IDO2: variants seen among roughly 807,000 people sequenced by gnomAD.
IDO2 encodes indoleamine 2,3-dioxygenase-like 1 protein.
A neutral mutation model predicts 45.1 loss-of-function variants in IDO2; 46 were observed. That is an observed-to-expected ratio of 1.02 (90% CI 0.80 to 1.30). The LOEUF is 1.30. Ranked by LOEUF, IDO2 falls within the 50% of genes most tolerant of loss-of-function variation. The pLI is 0.00. For synonymous variants in IDO2, 218 were observed against 184.9 expected, an observed-to-expected ratio of 1.18 and a Z score of -1.45; for missense variants, 544 against 491.8, an observed-to-expected ratio of 1.11 and a Z score of -1.00.
At chr8:39,972,153 G>A (rs78566847) in intron 3 of IDO2, among the ~76,000 whole-genome samples, 16,893 of 152,226 alleles carry the variant, frequency 0.11, 1,463 homozygotes, top group East Asian at 0.41. Flanking sequence ...ATGGAGCAAA[G>A]AAAGTAGTTG....
At chr8:39,943,203 A>G (rs1457048731) in intron 1 of IDO2, among the ~76,000 whole-genome samples, 1 of 151,892 alleles carries the variant, frequency 6.6e-6, no homozygotes, top group Non-Finnish European at 1.5e-5. Flanking sequence ...CCCCGTCTTT[A>G]AGAAAAATGC....
chr8:39,974,246 G>C (rs1310511381), intron 3 of IDO2, among the ~76,000 whole-genome samples: 1 of 152,098 alleles, frequency 6.6e-6, no homozygotes, highest in African/African-American at 2.4e-5. Flanking sequence ...AGACCCATGT[G>C]TGTATGGAAT....
At chr8:39,987,629 A>G in intron 6 of IDO2, 1 of 455,622 alleles carries the variant, frequency 2.2e-6, no homozygotes. Flanking sequence ...CAGGACCATT[A>G]GGGCCATGCT....
At chr8:39,999,236 G>A (rs1430472797) in intron 8 of IDO2, among the ~76,000 whole-genome samples, 1 of 149,258 alleles carries the variant, frequency 6.7e-6, no homozygotes, top group Non-Finnish European at 1.5e-5. Flanking sequence ...TACTTTTTGG[G>A]TTGCTCAATT....
At chr8:39,936,551 G>T (rs1807554617) in intron 1 of IDO2, among the ~76,000 whole-genome samples, 1 of 152,144 alleles carries the variant, frequency 6.6e-6, no homozygotes, top group Non-Finnish European at 1.5e-5. Context: ...TGAGCTGGTG[G>T]ATCCTCACAC....
rs755029260 is a variant in IDO2 at position 39,963,689 on chromosome 8, G to C, written c.181G>C (p.Ala61Pro). ...ATTGATTGATGCTCACCAGCTTCAAGCTCATGTGGACAAGGTATTCTTCTC... is the reference window on the plus strand; with the variant it reads ...ATTGATTGATGCTCACCAGCTTCAACCTCATGTGGACAAGGTATTCTTCTC... Residue 61 changes from alanine to proline, a missense_variant, in exon 3 of 11, where the codon GCT (alanine) becomes CCT (proline). Ala to Pro is a conservative substitution (Grantham distance 27, BLOSUM62 -1). Transcript: ENST00000502986. 3.7e-6 allele frequency: 6 copies of C among 1,604,704 alleles called. No individual in the cohort carries two copies. The Admixed American group carries it at 1.0e-4, about 27-fold the overall frequency.
chr8:39,990,157 G>T lies in IDO2; in HGVS notation c.667+319G>T, dbSNP rs370066619. On this transcript the variant is annotated intron_variant, in intron 8 of 10. Coordinates refer to ENST00000502986, the Ensembl canonical transcript of IDO2. Reference sequence around the variant, plus strand: ...GGGGATGGGATGCACAGTAATGTTGGTCGCGCGTGCCCCATCCTGCAGTGT... The same window carrying T: ...GGGGATGGGATGCACAGTAATGTTGTTCGCGCGTGCCCCATCCTGCAGTGT... Among the ~76,000 whole-genome samples, 209 of 152,256 alleles carry T rather than the reference G, an allele frequency of 1.4e-3. 1 individual carries two copies. Among genetic ancestry groups the T allele is most frequent in the African/African-American group, 4.7e-3 (197 of 41,548 alleles).
chr8:40,002,794 T>TAAATA (rs1298239281), intron 8 of IDO2, among the ~76,000 whole-genome samples: 1 of 151,660 alleles, frequency 6.6e-6, no homozygotes, highest in Non-Finnish European at 1.5e-5. Flanking sequence ...AATAAATAAA[T>TAAATA]AAATAAAATA....
At chr8:40,009,133 G>C (rs1245772654) in intron 9 of IDO2, among the ~76,000 whole-genome samples, 1 of 152,142 alleles carries the variant, frequency 6.6e-6, no homozygotes, top group African/African-American at 2.4e-5. Context: ...TCCTGCCTCA[G>C]CCTCCCAAGT....
At chr8:39,964,052 A>C (rs1808043213) in intron 3 of IDO2, among the ~76,000 whole-genome samples, 1 of 152,186 alleles carries the variant, frequency 6.6e-6, no homozygotes, top group South Asian at 2.1e-4. Flanking sequence ...CATTCCATGT[A>C]CGTACTCAAG....
intron 3 of IDO2, among the ~76,000 whole-genome samples, chr8:39,971,380 C>G (rs1389902241): frequency 2.6e-5 from 4 of 152,154 alleles, no homozygotes; most frequent in African/African-American, 9.7e-5. Context: ...CTCTGGTCAC[C>G]CAAGAGCTCT....
At chr8:39,961,153 G>A (rs1036106475) in intron 2 of IDO2, among the ~76,000 whole-genome samples, 2 of 152,062 alleles carry the variant, frequency 1.3e-5, no homozygotes, top group Non-Finnish European at 2.9e-5. Context: ...TTTTTGATCT[G>A]TATTGCTGGA....
intron 1 of IDO2, among the ~76,000 whole-genome samples, chr8:39,944,932 G>A (rs1278628592): frequency 6.6e-6 from 1 of 152,172 alleles, no homozygotes; most frequent in Non-Finnish European, 1.5e-5. Flanking sequence ...GCATCTATTA[G>A]CTATGTGGCC....
intron 4 of IDO2, among the ~76,000 whole-genome samples, chr8:39,980,360 G>A (rs1395535553): frequency 6.6e-6 from 1 of 152,062 alleles, no homozygotes; most frequent in South Asian, 2.1e-4. Flanking sequence ...TTCCCCAGGG[G>A]ACACATTGAC....
intron 3 of IDO2, among the ~76,000 whole-genome samples, chr8:39,970,089 T>G (rs1808156909): frequency 6.6e-6 from 1 of 152,132 alleles, no homozygotes; most frequent in Non-Finnish European, 1.5e-5. Flanking sequence ...ATAGAGGAAG[T>G]TTGAGTATTT....
At chr8:39,975,939 C>T (rs1808253371) in intron 3 of IDO2, among the ~76,000 whole-genome samples, 2 of 152,114 alleles carry the variant, frequency 1.3e-5, no homozygotes, top group African/African-American at 4.8e-5. Flanking sequence ...ATCCTGTATT[C>T]AGTATAATTC....
chr8:39,936,517 AG>A (rs1178667400), intron 1 of IDO2, among the ~76,000 whole-genome samples: 1 of 152,256 alleles, frequency 6.6e-6, no homozygotes, highest in Non-Finnish European at 1.5e-5. Context: ...ACTTAAGAAC[AG>A]AAGCCATATA....
chr8:39,936,061 T>C lies in IDO2; in HGVS notation c.-18+843T>C, dbSNP rs144963239. Among the ~76,000 whole-genome samples, 13 of 152,290 alleles carry C rather than the reference T, an allele frequency of 8.5e-5. No individual in the cohort carries two copies. The East Asian group carries it at 2.5e-3, about 29-fold the overall frequency. On this transcript the variant is annotated intron_variant, in intron 1 of 10. Transcript: ENST00000502986. ...AATGTATTATCCAAATGATGGAAGTTTTCTCTTGCTGATAGAATGCATCCA... is the reference window on the plus strand; with the variant it reads ...AATGTATTATCCAAATGATGGAAGTCTTCTCTTGCTGATAGAATGCATCCA...
intron 2 of IDO2, among the ~76,000 whole-genome samples, chr8:39,956,215 T>C (rs1210529847): frequency 6.6e-6 from 1 of 151,996 alleles, no homozygotes; most frequent in Non-Finnish European, 1.5e-5. Context: ...CGCACCACCA[T>C]GCCTGGCTAA....
Sources: gnomAD v4.1 joint callset for allele counts (sites outside exome capture counted in the v4.1 genomes callset) on GRCh38, gnomAD v4.1.1 for gene constraint, MANE v1.5 for transcripts, NCBI Gene and HGNC (gene_info 2026-07-23, HGNC 2026-07-21) for gene names.